Variants in RASGRP1 observed in about 807,000 individuals in gnomAD.
RASGRP1 encodes RAS guanyl-releasing protein 1.
A neutral mutation model predicts 95.1 loss-of-function variants in RASGRP1; 37 were observed. The ratio of observed to expected loss-of-function variants is 0.39; its 90% CI spans 0.30 to 0.51. The LOEUF is 0.51. RASGRP1 is among the 20% of genes least tolerant of loss of function. The pLI is 0.80. For missense variants in RASGRP1, 711 were observed against 965.4 expected, an observed-to-expected ratio of 0.74 and a Z score of 3.49; for synonymous variants, 325 against 353.4, an observed-to-expected ratio of 0.92 and a Z score of 0.90.
At chr15:38,553,086 G>A (rs1339761179) in intron 2 of RASGRP1, among the ~76,000 whole-genome samples, 1 of 152,136 alleles carries the variant, frequency 6.6e-6, no homozygotes, top group East Asian at 1.9e-4. Context: ...GGAACCTGTG[G>A]GCCTTCAGAG....
chr15:38,557,621 G>GTGTGTA (rs1404069432), intron 2 of RASGRP1, among the ~76,000 whole-genome samples: 6 of 150,886 alleles, frequency 4.0e-5, no homozygotes, highest in Non-Finnish European at 8.8e-5. Flanking sequence ...GTGTGTGTGT[G>GTGTGTA]TGTGTGTGTA....
chr15:38,496,898 C>G (rs1890814144), intron 15 of RASGRP1, among the ~76,000 whole-genome samples: 1 of 152,152 alleles, frequency 6.6e-6, no homozygotes, highest in Non-Finnish European at 1.5e-5. Flanking sequence ...GCTTTAAATG[C>G]AGAATGTATA....
intron 10 of RASGRP1, chr15:38,504,501 T>C (rs1341241301): frequency 6.6e-6 from 1 of 152,174 alleles, no homozygotes; most frequent in Non-Finnish European, 1.5e-5. Flanking sequence ...TATGTCTATA[T>C]AGAGTCAAGA....
At position 38,490,782 on chromosome 15, in the gene RASGRP1, T is replaced by G. The variant is rs1890544214; in HGVS notation, c.2260-94A>C. The G allele has an allele frequency of 4.6e-6, 6 of 1,316,872 alleles. No individual in the cohort carries two copies. In the South Asian group the frequency reaches 8.7e-5, roughly 19 times the overall value. The allele number at this position is 1,316,872 out of a possible 1,614,324, so 81.6% of individuals were successfully genotyped here. A position where few individuals can be genotyped will look rare whatever the true frequency, so the allele number is the denominator to read the frequency against. On this transcript the variant is annotated intron_variant, in intron 16 of 16. Transcript: ENST00000310803. ...AGCTACTTTTGATTGGCATTTCCTA[T>G]TCACTGTGGCTGAGAATTAACAACC...
Position 38,490,340 on chromosome 15 carries a change from G to A in RASGRP1, c.*214C>T. ...CAGTGGTATGAATAGCAAAAGTTTT[G>A]CATTCTTTAGTTTTCCCCCTTTGAG... On this transcript the variant is annotated 3_prime_UTR_variant, in exon 17 of 17. Coordinates refer to ENST00000310803, the MANE Select transcript of RASGRP1 (RefSeq NM_005739.4). 1 of 399,894 alleles carries A rather than the reference G, an allele frequency of 2.5e-6. No homozygotes were observed. Among genetic ancestry groups the A allele is most frequent in the Non-Finnish European group, 4.3e-6 (1 of 233,548 alleles). The allele number at this position is 399,894 out of a possible 1,614,324, so 24.8% of individuals were successfully genotyped here. A position where few individuals can be genotyped will look rare whatever the true frequency, so the allele number is the denominator to read the frequency against.
In RASGRP1 at chr15:38,501,591, G is replaced by A. The variant is rs867186145; in HGVS notation, c.1539-304C>T. Reference sequence around the variant, plus strand: ...AAGAAACAATGTAACATGTACATGTGTATAGGGAGGGAAATGTCTTATGCT... The same window carrying A: ...AAGAAACAATGTAACATGTACATGTATATAGGGAGGGAAATGTCTTATGCT... On this transcript the variant is annotated intron_variant, in intron 12 of 16. Transcript: ENST00000310803. 5.9e-5 allele frequency among the ~76,000 whole-genome samples: 9 copies of A among 152,334 alleles called. No individual in the cohort carries two copies. In the South Asian group the frequency reaches 1.4e-3, roughly 25 times the overall value.
chr15:38,503,223 T>C, intron 11 of RASGRP1, 49 bp downstream of exon 11: 1 of 1,454,114 alleles, frequency 6.9e-7, no homozygotes, highest in Non-Finnish European at 9.5e-7. Flanking sequence ...CATACAAAAC[T>C]GAGCCAGGCA....
intron 2 of RASGRP1, among the ~76,000 whole-genome samples, chr15:38,544,386 T>C (rs1893027442): frequency 1.3e-5 from 2 of 152,228 alleles, no homozygotes; most frequent in African/African-American, 4.8e-5. Flanking sequence ...AACTGTTCTC[T>C]CTGTGCTGTG....
At chr15:38,503,174 T>C in intron 11 of RASGRP1, 98 bp downstream of exon 11, 1 of 994,112 alleles carries the variant, frequency 1.0e-6, no homozygotes, top group South Asian at 1.5e-5. Flanking sequence ...TTCGTGCCTT[T>C]ACATTTCCAC....
intron 2 of RASGRP1, among the ~76,000 whole-genome samples, chr15:38,532,393 A>G (rs1892477335): frequency 6.6e-6 from 1 of 152,138 alleles, no homozygotes; most frequent in South Asian, 2.1e-4. Context: ...GCTGCTAGAG[A>G]AGCATATTAA....
chr15:38,508,655 G>A (rs1056208580), intron 8 of RASGRP1, among the ~76,000 whole-genome samples: 55 of 152,184 alleles, frequency 3.6e-4, no homozygotes, highest in African/African-American at 1.3e-3. Context: ...GATCAATTCT[G>A]AGCAAAGGAC....
intron 2 of RASGRP1, among the ~76,000 whole-genome samples, chr15:38,539,236 G>T (rs890302772): frequency 6.6e-6 from 1 of 152,150 alleles, no homozygotes; most frequent in African/African-American, 2.4e-5. Context: ...GTCTACCTGG[G>T]TATTGAGGGT....
chr15:38,546,084 A>G (rs1052061279), intron 2 of RASGRP1, among the ~76,000 whole-genome samples: 5 of 152,218 alleles, frequency 3.3e-5, no homozygotes, highest in Non-Finnish European at 5.9e-5. Context: ...ATCCTCTGGC[A>G]AGCTGCATTA....
At position 38,502,397 on chromosome 15, in the gene RASGRP1, C is replaced by T. The variant is rs200353501; in HGVS notation, c.1453G>A (p.Asp485Asn). The T allele has an allele frequency of 3.0e-5, 48 of 1,602,302 alleles. No homozygotes were observed. The highest frequency in any genetic ancestry group is 1.7e-4 in the Middle Eastern group (1 of 6,044). Residue 485 changes from aspartate to asparagine, a missense_variant, in exon 12 of 17, where the codon GAC (aspartate) becomes AAC (asparagine). By Grantham distance (23) the Asp-to-Asn change is conservative (BLOSUM62 1). Transcript: ENST00000310803. ...TCCTGAGAAATGTATCCATCCTGGTCGTGATCATAGTTCTTGAAGACAGAC... is the reference window on the plus strand; with the variant it reads ...TCCTGAGAAATGTATCCATCCTGGTTGTGATCATAGTTCTTGAAGACAGAC... ...VDSVFKNYDHDQDGYISQEEF... is the reference protein window; with the variant it reads ...VDSVFKNYDHNQDGYISQEEF...
Position 38,516,252 on chromosome 15 carries a change from T to C in RASGRP1, c.620A>G (p.Glu207Gly). 6.2e-7 allele frequency: 1 copy of C among 1,602,904 alleles called. No individual in the cohort carries two copies. The highest frequency in any genetic ancestry group is 2.2e-5 in the East Asian group (1 of 44,814). Reference sequence around the variant, plus strand: ...GTAGGTGAGGTGCTCGGATAGCTCTTCTGGTTCCAGATGGTCAAAGAGCAG... The same window carrying C: ...GTAGGTGAGGTGCTCGGATAGCTCTCCTGGTTCCAGATGGTCAAAGAGCAG... ...VSLLFDHLEP[E>G]ELSEHLTYLE... is the part of the protein sequence containing the mutation. The change falls in exon 6 of 17, where the codon GAA (glutamate) becomes GGA (glycine). Residue 207 changes from glutamate (E) to glycine (G), a missense_variant. Transcript: ENST00000310803.
At chr15:38,523,889 G>C (rs1178106100) in intron 3 of RASGRP1, among the ~76,000 whole-genome samples, 1 of 152,160 alleles carries the variant, frequency 6.6e-6, no homozygotes, top group Admixed American at 6.6e-5. Flanking sequence ...CTAGGTTTGT[G>C]TAAGTACACT....
At chr15:38,549,664 T>TCTGCTTCCCTCTTCCCCC (rs1893249925) in intron 2 of RASGRP1, among the ~76,000 whole-genome samples, 2 of 152,062 alleles carry the variant, frequency 1.3e-5, no homozygotes, top group Non-Finnish European at 2.9e-5. Context: ...CCTCTTCCCC[T>TCTGCTTCCCTCTTCCCCC]CTGCTTCCCT....
At chr15:38,556,840 T>G (rs1893576503) in intron 2 of RASGRP1, among the ~76,000 whole-genome samples, 1 of 152,230 alleles carries the variant, frequency 6.6e-6, no homozygotes, top group Non-Finnish European at 1.5e-5. Flanking sequence ...AAATTAACAA[T>G]TATTCAGTCT....
chr15:38,506,192 C>G (rs1343249624), intron 9 of RASGRP1, among the ~76,000 whole-genome samples: 3 of 152,108 alleles, frequency 2.0e-5, no homozygotes, highest in Non-Finnish European at 4.4e-5. Context: ...GGCCAAAGGC[C>G]TTGTCTGGAC....
Sources: allele counts gnomAD v4.1 joint callset (sites outside exome capture counted in the v4.1 genomes callset), GRCh38; gene constraint gnomAD v4.1.1; transcripts MANE v1.5; gene names NCBI Gene and HGNC (gene_info 2026-07-23, HGNC 2026-07-21).